Variants in ZNF91 observed in about 807,000 individuals in gnomAD.
The protein encoded by ZNF91 is zinc finger protein 91 (HPF7, HTF10).
In ZNF91, 7 loss-of-function variants were observed where a neutral mutation model predicts 12.6. That is an observed-to-expected ratio of 0.55 (90% CI 0.31 to 1.04). The LOEUF (loss-of-function observed/expected upper bound fraction) is 1.04. ZNF91 is among the 50% of genes least tolerant of loss of function. ZNF91 has a pLI of 0.05. For missense variants in ZNF91, 1,217 were observed against 1,385.4 expected (o/e 0.88, Z 1.93); for synonymous variants, 453 against 462.6 (o/e 0.98, Z 0.27).
At chr19:23,379,204 C>A (rs1049432130) in intron 1 of ZNF91, among the ~76,000 whole-genome samples, 2 of 152,094 alleles carry the variant, frequency 1.3e-5, no homozygotes, top group African/African-American at 4.8e-5. Context: ...AATGAAACTA[C>A]CAAATAGGCA....
intron 1 of ZNF91, among the ~76,000 whole-genome samples, chr19:23,393,560 T>C (rs1350374639): frequency 6.6e-6 from 1 of 152,164 alleles, no homozygotes; most frequent in East Asian, 1.9e-4. Context: ...GTAAGATAGC[T>C]GCGTCTAGGG....
At chr19:23,385,367 G>A (rs1297005219) in intron 1 of ZNF91, 2 of 345,960 alleles carry the variant, frequency 5.8e-6, no homozygotes, top group African/African-American at 2.1e-5. Flanking sequence ...GAACAGAAGG[G>A]CTTCTGAAGC....
At chr19:23,310,930 T>C (rs1247931388), upstream of ZNF91, among the ~76,000 whole-genome samples, 1 of 152,106 alleles carries the variant, frequency 6.6e-6, no homozygotes, top group African/African-American at 2.4e-5. Flanking sequence ...CCAAGGTGAG[T>C]TGAGTTTCTT....
At chr19:23,369,891 T>G (rs1263351486) in intron 3 of ZNF91, among the ~76,000 whole-genome samples, 1 of 150,498 alleles carries the variant, frequency 6.6e-6, no homozygotes, top group Non-Finnish European at 1.5e-5. Flanking sequence ...GTCCTCTGCC[T>G]AGGAAAACCA....
Position 23,360,832 on chromosome 19 carries a change from C to G in ZNF91, c.2147G>C (p.Cys716Ser). ...ATTAAAAGCTTTGCCACATTCTTCA[C>G]ATTTGTAGAGTTTCTCTCCAGCATG... ...IIHAGEKLYKCEECGKAFNRS... is the reference protein window; with the variant it reads ...IIHAGEKLYKSEECGKAFNRS... The change falls in exon 4 of 4, where the codon TGT (cysteine) becomes TCT (serine). Residue 716 changes from cysteine to serine, a missense_variant. Coordinates refer to ENST00000300619, the MANE Select transcript of ZNF91 (RefSeq NM_003430.4). 1 of 1,613,632 alleles carries G rather than the reference C, an allele frequency of 6.2e-7. No homozygotes were observed.
chr19:23,344,061 G>T (rs1192954221), intron 3 of ZNF91, among the ~76,000 whole-genome samples: 1 of 152,116 alleles, frequency 6.6e-6, no homozygotes. Context: ...CATGACTTCT[G>T]TGAGATTACT....
intron 1 of ZNF91, among the ~76,000 whole-genome samples, chr19:23,395,041 A>C (rs945964113): frequency 6.6e-6 from 1 of 152,138 alleles, no homozygotes; most frequent in Admixed American, 6.5e-5. Context: ...TGATCCCTGC[A>C]CAATCTGGGA....
rs752040904 is a variant in ZNF91, at chr19:23,359,791, G to C, written c.3188C>G (p.Ser1063Ter). 2 of 1,613,976 alleles carry C rather than the reference G, an allele frequency of 1.2e-6. No homozygotes were observed. Among genetic ancestry groups the C allele is most frequent in the Non-Finnish European group, 1.7e-6 (2 of 1,180,010 alleles). ...AATTCTCTTATGTCCATTTAGGGTT[G>C]AGGATGATATAAATGCTTTGCCACA... Reference protein sequence around the residue: ...EECGKAFISSSTLNGHKRIHT... With the variant: ...EECGKAFISS Residue 1063 changes from serine (S) to a stop codon, truncating the protein, a stop_gained, in exon 4 of 4, where the codon TCA becomes TGA. Transcript: ENST00000300619. LOFTEE classifies it low-confidence loss of function (END_TRUNC).
intron 1 of ZNF91, among the ~76,000 whole-genome samples, chr19:23,385,803 G>A (rs567582868): frequency 1.2e-4 from 19 of 152,076 alleles, no homozygotes; most frequent in African/African-American, 4.1e-4. Flanking sequence ...TGAATTTTAC[G>A]GGTTTTGGAG....
chr19:23,387,865 C>T (rs1387255416), intron 1 of ZNF91, among the ~76,000 whole-genome samples: 2 of 150,436 alleles, frequency 1.3e-5, no homozygotes, highest in Non-Finnish European at 3.0e-5. Flanking sequence ...ATTGCTTAAA[C>T]CCGGGAGGCA....
At chr19:23,344,744 C>T (rs1968187873) in intron 3 of ZNF91, among the ~76,000 whole-genome samples, 3 of 152,144 alleles carry the variant, frequency 2.0e-5, no homozygotes, top group Non-Finnish European at 2.9e-5. Flanking sequence ...AAAGATTCTC[C>T]CGAAAACTTA....
chr19:23,354,525 A>C (rs562422841), downstream of ZNF91, among the ~76,000 whole-genome samples: 1 of 152,324 alleles, frequency 6.6e-6, no homozygotes, highest in African/African-American at 2.4e-5. Flanking sequence ...TACTGAATAG[A>C]AAAAAGTTGA....
At chr19:23,305,074 G>A (rs1209719535) in exon 4 of ZNF91, 1 of 152,146 alleles carries the variant, frequency 6.6e-6, no homozygotes, top group African/African-American at 2.4e-5. Flanking sequence ...TTGGTTGACT[G>A]AAGAAGTGAC....
chr19:23,387,372 G>C (rs1360457124), intron 1 of ZNF91, among the ~76,000 whole-genome samples: 1 of 152,152 alleles, frequency 6.6e-6, no homozygotes, highest in African/African-American at 2.4e-5. Context: ...ATTCACAATA[G>C]CAAAGACATG....
chr19:23,352,193 T>C (rs568485138), intron 3 of ZNF91, among the ~76,000 whole-genome samples: 5 of 152,136 alleles, frequency 3.3e-5, no homozygotes, highest in Non-Finnish European at 7.4e-5. Context: ...CTCGGGGCTG[T>C]TGTGGGGGCA....
chr19:23,306,508 G>T (rs747611473), intron 3 of ZNF91, among the ~76,000 whole-genome samples: 1 of 149,564 alleles, frequency 6.7e-6, no homozygotes, highest in Non-Finnish European at 1.5e-5. Flanking sequence ...CTGCTTTGTC[G>T]CTGCCCACAG....
In ZNF91 at chr19:23,373,693, G is replaced by C. The variant is rs374732824; in HGVS notation, c.253+49C>G. 5 of 1,450,100 alleles carry C rather than the reference G, an allele frequency of 3.4e-6. No individual in the cohort carries two copies. In the African/African-American group the frequency reaches 7.1e-5, roughly 21 times the overall value. 89.8% of individuals were successfully genotyped at this position (1,450,100 alleles called of 1,614,324 possible). On this transcript the variant is annotated intron_variant, in intron 3 of 3. Coordinates refer to ENST00000300619, the MANE Select transcript of ZNF91 (RefSeq NM_003430.4). Reference sequence around the variant, plus strand: ...CACTTTAAAGACCTGCTTTCTTCTTGACTTTGGGCCTCTCATCCTTGTCGT... The same window carrying C: ...CACTTTAAAGACCTGCTTTCTTCTTCACTTTGGGCCTCTCATCCTTGTCGT...
At chr19:23,382,871 C>G (rs1339080472) in intron 1 of ZNF91, among the ~76,000 whole-genome samples, 1 of 152,068 alleles carries the variant, frequency 6.6e-6, no homozygotes, top group Non-Finnish European at 1.5e-5. Context: ...AAATAGCCTA[C>G]CAACCAAATA....
intron 3 of ZNF91, among the ~76,000 whole-genome samples, chr19:23,349,118 T>C (rs1599708719): frequency 6.6e-6 from 1 of 152,176 alleles, no homozygotes; most frequent in Non-Finnish European, 1.5e-5. Context: ...TGGACACTCA[T>C]TGGTAATTCT....
Sources: allele counts gnomAD v4.1 joint callset (sites outside exome capture counted in the v4.1 genomes callset), GRCh38; gene constraint gnomAD v4.1.1; transcripts MANE v1.5; gene names NCBI Gene and HGNC (gene_info 2026-07-23, HGNC 2026-07-21).